ACO1: variants seen among roughly 807,000 people sequenced by gnomAD.
The protein encoded by ACO1 is cytoplasmic aconitate hydratase.
Under a neutral mutation model 105.1 loss-of-function variants are expected in ACO1, and 78 were observed. That is an observed-to-expected ratio of 0.74 (90% CI 0.62 to 0.90). The LOEUF is 0.90. Among genes scored for constraint, ACO1 ranks in the 40% least tolerant of loss-of-function variants. ACO1 has a pLI of 0.00. For synonymous variants in ACO1, 364 were observed against 397.4 expected, an observed-to-expected ratio of 0.92 and a Z score of 1.00; for missense variants, 965 against 1,111.1, an observed-to-expected ratio of 0.87 and a Z score of 1.87.
At position 32,453,781 on chromosome 9, in the gene ACO1, T is replaced by C. The variant is rs1563954043; in HGVS notation, c.*3670T>C. 6.6e-6 allele frequency: 1 copy of C among 152,240 alleles called. No individual in the cohort carries two copies. The highest frequency in any genetic ancestry group is 1.9e-4 in the East Asian group (1 of 5,206). The allele number at this position is 152,240 out of a possible 1,614,324, so 9.4% of individuals were successfully genotyped here. A position where few individuals can be genotyped will look rare whatever the true frequency, so the allele number is the denominator to read the frequency against. On this transcript the variant is annotated 3_prime_UTR_variant, in exon 21 of 21. Transcript: ENST00000309951. ...AAACAGTAGCCAAGGTTCTACTGGC[T>C]GCCTTCTTAGGACATTATTAAATAT...
intron 12 of ACO1, among the ~76,000 whole-genome samples, chr9:32,428,861 C>A (rs371131508): frequency 6.6e-6 from 1 of 151,588 alleles, no homozygotes; most frequent in Admixed American, 6.6e-5. Flanking sequence ...AAAAAGTCAG[C>A]GTGAGTTTGT....
intron 15 of ACO1, among the ~76,000 whole-genome samples, chr9:32,432,512 G>C (rs538228291): frequency 6.6e-6 from 1 of 152,230 alleles, no homozygotes; most frequent in South Asian, 2.1e-4. Flanking sequence ...TGCTCCTTGG[G>C]AGATGGTGTT....
chr9:32,407,326 G>A lies in ACO1; in HGVS notation c.163G>A (p.Val55Met), dbSNP rs146631763. The A allele has an allele frequency of 3.8e-4, 617 of 1,613,956 alleles. No individual in the cohort carries two copies. The highest frequency in any genetic ancestry group is 4.0e-4 in the Non-Finnish European group (475 of 1,180,014). ...AAIRNCDEFL[V>M]KKQDIENILH... is the part of the protein sequence containing the mutation. The stretch of plus-strand genomic sequence containing the variant: ...CATTCGGAATTGTGATGAGTTTTTG[G>A]TGAAGAAACAGGATATTGAAAATAT... Residue 55 changes from valine to methionine, a missense_variant, in exon 3 of 21, where the codon GTG becomes ATG. Physicochemically the swap from Val to Met is conservative, Grantham distance 21 (BLOSUM62 1). Coordinates refer to ENST00000309951, the MANE Select transcript of ACO1 (RefSeq NM_002197.3).
intron 7 of ACO1, among the ~76,000 whole-genome samples, chr9:32,419,783 T>G (rs947793469): frequency 6.6e-6 from 1 of 152,260 alleles, no homozygotes; most frequent in African/African-American, 2.4e-5. Flanking sequence ...TTAGGCTTTT[T>G]CTGTAGCTGT....
At chr9:32,430,197 G>A (rs1563942702) in intron 13 of ACO1, among the ~76,000 whole-genome samples, 2 of 152,062 alleles carry the variant, frequency 1.3e-5, no homozygotes, top group African/African-American at 2.4e-5. Flanking sequence ...ATATTTTCTC[G>A]TGAGCAGAAA....
In ACO1 at chr9:32,384,749, C is replaced by A; in HGVS notation, c.-23+14C>A. 7.8e-6 allele frequency: 3 copies of A among 384,240 alleles called. No homozygotes were observed. Among genetic ancestry groups the A allele is most frequent in the South Asian group, 3.5e-5 (2 of 57,454 alleles). 23.8% of individuals were successfully genotyped at this position (384,240 alleles called of 1,614,324 possible). ...GTGCAGTCGGAGGTGAGTACCGACG[C>A]GGCCCGACCCACGTCCCCAGGCGGG... On this transcript the variant is annotated intron_variant, in intron 1 of 20. Transcript: ENST00000309951.
chr9:32,405,411 C>T (rs1821587853), intron 1 of ACO1, 74 bp from the exon 2 acceptor site: 4 of 812,570 alleles, frequency 4.9e-6, no homozygotes, highest in Admixed American at 2.3e-5. Context: ...AAAAACTAAG[C>T]CTTCCTCCCA....
chr9:32,399,972 T>TTTTTTTTTTTTTTTTTTTTGTTTTTTG (rs1821458138), intron 1 of ACO1, among the ~76,000 whole-genome samples: 1 of 125,082 alleles, frequency 8.0e-6, no homozygotes, highest in Non-Finnish European at 1.6e-5. Context: ...TTCTGTTTTT[T>TTTTTTTTTTTTTTTTTTTTGTTTTTTG]TTTTTTTTTT....
chr9:32,434,918 G>A (rs1390953079), intron 17 of ACO1, among the ~76,000 whole-genome samples: 1 of 152,146 alleles, frequency 6.6e-6, no homozygotes, highest in Non-Finnish European at 1.5e-5. Context: ...AAGGGGAAGG[G>A]GAGAGGGACC....
At chr9:32,425,793 T>G (rs951119110) in intron 10 of ACO1, 45 bp from the exon 11 acceptor site, 1 of 1,352,796 alleles carries the variant, frequency 7.4e-7, no homozygotes. Flanking sequence ...ATGTATATCT[T>G]ATATAAATAT....
At chr9:32,409,869 G>T (rs1358754628) in intron 4 of ACO1, among the ~76,000 whole-genome samples, 1 of 152,170 alleles carries the variant, frequency 6.6e-6, no homozygotes, top group East Asian at 1.9e-4. Flanking sequence ...TTACAAAGAA[G>T]AGAACTGAAC....
At chr9:32,433,963 C>T (rs10970977) in intron 16 of ACO1, 131 bp downstream of exon 16, 403,582 of 725,466 alleles carry the variant, frequency 0.56, 114,966 homozygotes, top group South Asian at 0.61. Context: ...CAAGCAGATA[C>T]TGCTGGGGAA....
intron 7 of ACO1, among the ~76,000 whole-genome samples, chr9:32,419,496 T>A (rs781340539): frequency 5.9e-5 from 9 of 152,364 alleles, no homozygotes; most frequent in Non-Finnish European, 8.8e-5. Context: ...TACCATTTTG[T>A]CATAGTTGCT....
intron 17 of ACO1, among the ~76,000 whole-genome samples, chr9:32,435,260 A>G (rs1037686536): frequency 2.0e-5 from 3 of 152,176 alleles, no homozygotes; most frequent in Admixed American, 6.5e-5. Flanking sequence ...CCTGGTTTCT[A>G]TCCCCATCTG....
rs759890281 is a variant in ACO1 at position 32,423,389 on chromosome 9, T to G, written c.1041T>G (p.Asn347Lys). Residue 347 changes from asparagine to lysine, a missense_variant, in exon 9 of 21, where the codon AAT becomes AAG. Asn to Lys is a moderately conservative substitution (Grantham distance 94, BLOSUM62 0). Transcript: ENST00000309951. ...LQAVGMFRDF[N>K]DPSQDPDFTQ... Reference sequence around the variant, plus strand: ...CTGTAGGAATGTTTCGAGATTTCAATGACCCTTCTCAAGACCCAGACTTCA... The same window carrying G: ...CTGTAGGAATGTTTCGAGATTTCAAGGACCCTTCTCAAGACCCAGACTTCA... 6.2e-7 allele frequency: 1 copy of G among 1,602,026 alleles called. No individual in the cohort carries two copies. Among genetic ancestry groups the G allele is most frequent in the Non-Finnish European group, 8.5e-7 (1 of 1,175,576 alleles).
rs997941446 is a variant in ACO1 at position 32,450,923 on chromosome 9, G to C, written c.*812G>C. On this transcript the variant is annotated 3_prime_UTR_variant, in exon 21 of 21. Transcript: ENST00000309951. The stretch of plus-strand genomic sequence containing the variant: ...GAATCTCACACCATATCATTGGGAA[G>C]CCTGAATAACCTTCATATTCTCCCA... The C allele has an allele frequency of 3.4e-5, 5 of 146,438 alleles. No homozygotes were observed. The highest frequency in any genetic ancestry group is 6.7e-5 in the Admixed American group (1 of 14,850). 9.1% of individuals were successfully genotyped at this position (146,438 alleles called of 1,614,324 possible). A position where few individuals can be genotyped will look rare whatever the true frequency, so the allele number is the denominator to read the frequency against.
rs113100456 is a variant in ACO1, at chr9:32,412,599, T to C, written c.404+3948T>C. Among the ~76,000 whole-genome samples, 61 of 152,328 alleles carry C rather than the reference T, an allele frequency of 4.0e-4. 1 individual carries two copies. The highest frequency in any genetic ancestry group is 1.4e-3 in the African/African-American group (58 of 41,580). ...AAATCTACTTTGTCCCCTGAATTGA[T>C]GGTACTTGGAACAGACCATGTACTC... On this transcript the variant is annotated intron_variant, in intron 4 of 20. Coordinates refer to ENST00000309951, the MANE Select transcript of ACO1 (RefSeq NM_002197.3).
Position 32,410,376 on chromosome 9 carries a change from T to G in ACO1, c.404+1725T>G, listed in dbSNP as rs560409210. ...GATCAAGACCATCCTGGCAAACATGTTGAAACCCCATCTCTACTAAAAATA... is the reference window on the plus strand; with the variant it reads ...GATCAAGACCATCCTGGCAAACATGGTGAAACCCCATCTCTACTAAAAATA... On this transcript the variant is annotated intron_variant, in intron 4 of 20. Coordinates refer to ENST00000309951, the MANE Select transcript of ACO1 (RefSeq NM_002197.3). 2.0e-5 allele frequency among the ~76,000 whole-genome samples: 3 copies of G among 151,916 alleles called. No individual in the cohort carries two copies. In the Middle Eastern group the frequency reaches 0.01, roughly 517 times the overall value.
At chr9:32,402,382 G>T (rs946585513) in intron 1 of ACO1, among the ~76,000 whole-genome samples, 1 of 152,120 alleles carries the variant, frequency 6.6e-6, no homozygotes, top group African/African-American at 2.4e-5. Context: ...CATTGTCTTC[G>T]TTTGTTCATT....
Sources: allele counts gnomAD v4.1 joint callset (sites outside exome capture counted in the v4.1 genomes callset), GRCh38; gene constraint gnomAD v4.1.1; transcripts MANE v1.5; gene names NCBI Gene and HGNC (gene_info 2026-07-23, HGNC 2026-07-21).